Variants in TBCK observed in about 807,000 individuals in gnomAD.
The protein encoded by TBCK is TBC1 domain containing kinase.
TBCK carries 99 observed loss-of-function variants against 113.4 expected under a neutral mutation model. The ratio of observed to expected loss-of-function variants is 0.87; its 90% CI spans 0.74 to 1.03. TBCK has a LOEUF of 1.03. TBCK is among the 50% of genes least tolerant of loss of function. TBCK has a pLI of 0.00. For synonymous variants in TBCK, 369 were observed against 370.8 expected (o/e 1.00, Z 0.05); for missense variants, 1,045 against 1,061.3 (o/e 0.98, Z 0.21).
chr4:106,047,501 C>T (rs1175644727), intron 25 of TBCK, among the ~76,000 whole-genome samples: 1 of 152,118 alleles, frequency 6.6e-6, no homozygotes, highest in East Asian at 1.9e-4. Context: ...CAATAGTAAC[C>T]CCCACACATA....
chr4:106,242,399 T>G, intron 12 of TBCK, 71 bp downstream of exon 12: 1 of 1,138,384 alleles, frequency 8.8e-7, no homozygotes, highest in Non-Finnish European at 1.2e-6. Context: ...CATACAAGAT[T>G]TCTTGTGTAT....
Position 106,211,435 on chromosome 4 carries a change from ATCT to A in TBCK, c.1860+1312_1860+1314del, listed in dbSNP as rs1248254526. ...TTTTCAAATTTAGGTTTATAAAATC[ATCT>A]TATTAAATGTAGACTTTTCAAAAAT... On this transcript the variant is annotated intron_variant, in intron 20 of 25. Transcript: ENST00000394708. Among the ~76,000 whole-genome samples, 2 of 152,100 alleles carry A rather than the reference ATCT, an allele frequency of 1.3e-5. 1 individual carries two copies. The highest frequency in any genetic ancestry group is 3.8e-4 in the East Asian group (2 of 5,202).
At chr4:106,235,219 T>C (rs1759309810) in intron 15 of TBCK, 50 bp downstream of exon 15, 1 of 1,267,350 alleles carries the variant, frequency 7.9e-7, no homozygotes, top group East Asian at 2.4e-5. Flanking sequence ...TCCTTCTCCA[T>C]CCTTTCTTTG....
intron 3 of TBCK, among the ~76,000 whole-genome samples, chr4:106,276,418 CTG>C (rs2125765306): frequency 6.6e-6 from 1 of 152,256 alleles, no homozygotes; most frequent in South Asian, 2.1e-4. Context: ...TGATCACAAA[CTG>C]TAACTTTTAA....
rs188708858 is a variant in TBCK at position 106,294,576 on chromosome 4, G to T, written c.266+518C>A. Among the ~76,000 whole-genome samples, 302 of 152,158 alleles carry T rather than the reference G, an allele frequency of 2.0e-3. 1 individual carries two copies. The highest frequency in any genetic ancestry group is 6.9e-3 in the African/African-American group (286 of 41,498). ...GGCTCACCGTAAGCTCCGCCTCCTG[G>T]GTTCACGCCATTCTCCTTTCTCAGC... On this transcript the variant is annotated intron_variant, in intron 3 of 25. Coordinates refer to ENST00000394708, the MANE Select transcript of TBCK (RefSeq NM_001163435.3).
chr4:106,295,130 C>T lies in TBCK; in HGVS notation c.230G>A (p.Ser77Asn), dbSNP rs751833677. The change falls in exon 3 of 26, where the codon AGT becomes AAT. Residue 77 changes from serine to asparagine, a missense_variant. Coordinates refer to ENST00000394708, the MANE Select transcript of TBCK (RefSeq NM_001163435.3). ...LVVVAEHCER[S>N]LEDLLRERKP... ...CCTTTCTCGAAGCAAGTCTTCCAGA[C>T]TACGTTCACAATGTTCAGCCACGAC... 5.2e-5 allele frequency: 84 copies of T among 1,613,492 alleles called. 1 individual carries two copies. Among genetic ancestry groups the T allele is most frequent in the Admixed American group, 3.3e-4 (20 of 59,980 alleles).
At chr4:106,184,178 C>T (rs543328896) in intron 22 of TBCK, among the ~76,000 whole-genome samples, 5 of 152,150 alleles carry the variant, frequency 3.3e-5, no homozygotes, top group African/African-American at 1.2e-4. Flanking sequence ...CTAAATCTAG[C>T]TGCCCCGTAA....
At chr4:106,204,287 G>A (rs1332222912) in intron 20 of TBCK, among the ~76,000 whole-genome samples, 2 of 152,182 alleles carry the variant, frequency 1.3e-5, no homozygotes, top group African/African-American at 4.8e-5. Flanking sequence ...GGAATAGCCA[G>A]AATTTAGAAC....
chr4:106,214,617 A>G (rs1229465795), intron 19 of TBCK, among the ~76,000 whole-genome samples: 4 of 152,158 alleles, frequency 2.6e-5, no homozygotes, highest in East Asian at 1.9e-4. Flanking sequence ...GGGTATCAGC[A>G]ATGGAAGATG....
chr4:106,196,459 T>C (rs1754249463), intron 20 of TBCK, among the ~76,000 whole-genome samples: 1 of 152,002 alleles, frequency 6.6e-6, no homozygotes, highest in Admixed American at 6.6e-5. Context: ...CTAGCAATTA[T>C]GAATTTATGA....
chr4:106,274,766 T>A (rs1763835561), intron 3 of TBCK, among the ~76,000 whole-genome samples: 1 of 152,142 alleles, frequency 6.6e-6, no homozygotes, highest in African/African-American at 2.4e-5. Flanking sequence ...GTGAAGTGGC[T>A]CTTTAAGAGC....
intron 19 of TBCK, among the ~76,000 whole-genome samples, chr4:106,217,176 G>A (rs1423137256): frequency 6.6e-6 from 1 of 151,970 alleles, no homozygotes; most frequent in Non-Finnish European, 1.5e-5. Flanking sequence ...AACCCTTCAT[G>A]CTAAAAACTC....
chr4:106,162,834 A>G (rs984851846), intron 23 of TBCK, among the ~76,000 whole-genome samples: 9 of 152,170 alleles, frequency 5.9e-5, no homozygotes, highest in Admixed American at 4.6e-4. Flanking sequence ...CTCCAGGCCT[A>G]TGATGGGAGA....
chr4:106,048,945 T>C (rs1478488550), intron 25 of TBCK, among the ~76,000 whole-genome samples: 1 of 152,048 alleles, frequency 6.6e-6, no homozygotes, highest in Non-Finnish European at 1.5e-5. Context: ...AGAGTAGAAA[T>C]GGAGTGCAAG....
intron 25 of TBCK, among the ~76,000 whole-genome samples, chr4:106,058,783 G>A (rs1015223016): frequency 6.6e-6 from 1 of 151,600 alleles, no homozygotes; most frequent in South Asian, 2.1e-4. Flanking sequence ...CTAGTCATAG[G>A]GTATTTTGGC....
intron 24 of TBCK, among the ~76,000 whole-genome samples, chr4:106,103,307 G>C (rs578169139): frequency 6.6e-6 from 1 of 152,298 alleles, no homozygotes; most frequent in East Asian, 1.9e-4. Context: ...TATACACACA[G>C]GTGCTGAAGG....
intron 2 of TBCK, chr4:106,297,775 G>C: frequency 6.6e-6 from 1 of 152,102 alleles, no homozygotes; most frequent in East Asian, 1.9e-4. Flanking sequence ...AGACTATTTT[G>C]TCTGGGATCC....
At chr4:106,142,696 T>A (rs1320667410) in intron 23 of TBCK, among the ~76,000 whole-genome samples, 1 of 152,174 alleles carries the variant, frequency 6.6e-6, no homozygotes, top group Non-Finnish European at 1.5e-5. Context: ...ATCCTTGAAC[T>A]TTAAGGCTGC....
intron 24 of TBCK, among the ~76,000 whole-genome samples, chr4:106,100,356 CTTCT>C (rs569934143): frequency 0.027 from 4,165 of 152,232 alleles, 182 homozygotes; most frequent in African/African-American, 0.095. Context: ...GCTAAGGTGC[CTTCT>C]GGCCACCCCA....
Sources: allele counts gnomAD v4.1 joint callset (sites outside exome capture counted in the v4.1 genomes callset), GRCh38; gene constraint gnomAD v4.1.1; transcripts MANE v1.5; gene names NCBI Gene and HGNC (gene_info 2026-07-23, HGNC 2026-07-21).